The following PTPRA variants were observed in gnomAD, a reference collection of about 807,000 sequenced individuals.
PTPRA encodes the protein receptor-type tyrosine-protein phosphatase alpha.
In PTPRA, 25 loss-of-function variants were observed where a neutral mutation model predicts 104.8. That is an observed-to-expected ratio of 0.24 (90% CI 0.17 to 0.33). The LOEUF is 0.33. Among genes scored for constraint, PTPRA ranks in the 10% least tolerant of loss-of-function variants. PTPRA has a pLI of 1.00. For synonymous variants in PTPRA, 323 were observed against 368.9 expected, an observed-to-expected ratio of 0.88 and a Z score of 1.43; for missense variants, 765 against 1,015.3, an observed-to-expected ratio of 0.75 and a Z score of 3.35.
At chr20:2,914,445 C>G (rs1033736625) in intron 1 of PTPRA, among the ~76,000 whole-genome samples, 74 of 145,718 alleles carry the variant, frequency 5.1e-4, no homozygotes, top group African/African-American at 1.8e-3. Context: ...ATTTCTTGCT[C>G]TGTGTGTGTG....
chr20:2,948,948 T>A (rs867847166), intron 3 of PTPRA, among the ~76,000 whole-genome samples: 2 of 151,566 alleles, frequency 1.3e-5, no homozygotes, highest in Middle Eastern at 3.2e-3. Context: ...CGAGACTCCG[T>A]CTCAAAAAAA....
chr20:3,030,676 C>CTTT lies in PTPRA; in HGVS notation c.1920+2860_1920+2862dup, dbSNP rs1180681994. ...AAAAATTTTTAATTATCTCCCTCTG[C>CTTT]TTTTTTTTTTTTTTTTTTTTTTTTT... On this transcript the variant is annotated intron_variant, in intron 20 of 23. Transcript: ENST00000399903. 2.6e-3 allele frequency among the ~76,000 whole-genome samples: 178 copies of CTTT among 67,728 alleles called. 38 individuals carry two copies. The highest frequency in any genetic ancestry group is 0.013 in the East Asian group (26 of 1,944). 44.4% of individuals were successfully genotyped at this position (67,728 alleles called of 152,430 possible). A position where few individuals can be genotyped will look rare whatever the true frequency, so the allele number is the denominator to read the frequency against.
chr20:2,943,888 T>G (rs1202458091), intron 2 of PTPRA, among the ~76,000 whole-genome samples: 1 of 152,186 alleles, frequency 6.6e-6, no homozygotes, highest in African/African-American at 2.4e-5. Flanking sequence ...ATCTAATTTT[T>G]TTTGACGAAA....
At chr20:2,909,400 T>A (rs1377886255) in intron 1 of PTPRA, among the ~76,000 whole-genome samples, 1 of 152,040 alleles carries the variant, frequency 6.6e-6, no homozygotes, top group Admixed American at 6.6e-5. Context: ...TGGGCCAACA[T>A]GGCGAAACCA....
the PTPRA span, chr20:2,865,611 A>T: frequency 3.2e-6 from 3 of 926,640 alleles, no homozygotes; most frequent in African/African-American, 5.0e-5. The surrounding 1 kb of genome is among the most constrained non-coding windows in gnomAD (Gnocchi z 5.2). Flanking sequence ...CTGCCCGCAT[A>T]GTTAGCGAGT....
intron 1 of PTPRA, among the ~76,000 whole-genome samples, chr20:2,899,329 T>C (rs1005102218): frequency 6.6e-6 from 1 of 152,204 alleles, no homozygotes; most frequent in Admixed American, 6.5e-5. Context: ...CCAATATTAT[T>C]GAAAATGTGT....
At chr20:3,031,992 A>G (rs2065482266) in intron 20 of PTPRA, among the ~76,000 whole-genome samples, 2 of 152,172 alleles carry the variant, frequency 1.3e-5, no homozygotes, top group Admixed American at 6.5e-5. Flanking sequence ...ATGACCACAA[A>G]TCTCATAGAG....
At chr20:2,895,136 T>C (rs143091652) in intron 1 of PTPRA, among the ~76,000 whole-genome samples, 2,872 of 151,850 alleles carry the variant, frequency 0.019, 94 homozygotes, top group African/African-American at 0.064. Context: ...AGTGCAGTGG[T>C]ATAATCTTGG....
intron 1 of PTPRA, among the ~76,000 whole-genome samples, chr20:2,922,656 G>C (rs1419756544): frequency 2.0e-5 from 3 of 147,852 alleles, no homozygotes; most frequent in Non-Finnish European, 4.5e-5. Context: ...TTTTCTTTTT[G>C]AGATGGAGTC....
chr20:3,026,103 C>T (rs2065132028), intron 17 of PTPRA, among the ~76,000 whole-genome samples: 1 of 151,568 alleles, frequency 6.6e-6, no homozygotes, highest in Non-Finnish European at 1.5e-5. Flanking sequence ...GTGCCACTAC[C>T]CCCGGCTAAT....
intron 7 of PTPRA, 145 bp from the exon 8 acceptor site, chr20:2,987,887 G>C (rs1291251519): frequency 1.3e-6 from 1 of 797,820 alleles, no homozygotes; most frequent in East Asian, 2.5e-5. Flanking sequence ...TGCTGCCTCA[G>C]GGTGTGCATG....
chr20:2,909,775 A>T (rs1245690279), intron 1 of PTPRA, among the ~76,000 whole-genome samples: 2 of 138,030 alleles, frequency 1.4e-5, no homozygotes, highest in Non-Finnish European at 3.0e-5. Context: ...TATATATTAT[A>T]AGATAATATA....
At chr20:2,866,591 A>T in the PTPRA span, 51 of 1,612,838 alleles carry the variant, frequency 3.2e-5, no homozygotes, top group East Asian at 1.1e-3. Context: ...CATCCTGTAC[A>T]TCTCAAGCAA....
intron 9 of PTPRA, among the ~76,000 whole-genome samples, chr20:3,004,318 CCAATTTTA>C (rs2063764469): frequency 1.3e-5 from 2 of 152,160 alleles, no homozygotes; most frequent in Non-Finnish European, 2.9e-5. Flanking sequence ...TCACCCGGCC[CCAATTTTA>C]CAGATGAGGA....
intron 1 of PTPRA, among the ~76,000 whole-genome samples, chr20:2,922,705 T>C (rs2060141928): frequency 1.3e-5 from 2 of 151,870 alleles, no homozygotes; most frequent in Admixed American, 6.6e-5. Flanking sequence ...TGGCGCGATC[T>C]GGGCTCACTG....
intron 2 of PTPRA, among the ~76,000 whole-genome samples, chr20:2,936,725 G>A (rs576494810): frequency 6.6e-6 from 1 of 152,210 alleles, no homozygotes; most frequent in South Asian, 2.1e-4. Context: ...CACCTACCTT[G>A]GTCTCCCAAA....
At chr20:2,883,805 A>G (rs188495501) in intron 1 of PTPRA, among the ~76,000 whole-genome samples, 15 of 152,156 alleles carry the variant, frequency 9.9e-5, no homozygotes, top group Admixed American at 3.3e-4. Flanking sequence ...GGTTTTTTGT[A>G]TATGCATAGA....
chr20:2,900,533 A>G (rs936900874), intron 1 of PTPRA, among the ~76,000 whole-genome samples: 1 of 152,146 alleles, frequency 6.6e-6, no homozygotes, highest in African/African-American at 2.4e-5. Flanking sequence ...ATAGCAGTTA[A>G]TGAAATACAA....
intron 3 of PTPRA, among the ~76,000 whole-genome samples, chr20:2,954,415 G>T (rs1485206530): frequency 6.6e-6 from 1 of 151,320 alleles, no homozygotes; most frequent in Non-Finnish European, 1.5e-5. Flanking sequence ...TAGAGATGAG[G>T]TCTCACTGTG....
Sources: gnomAD v4.1 joint callset for allele counts (sites outside exome capture counted in the v4.1 genomes callset) on GRCh38, gnomAD v4.1.1 for gene constraint, Gnocchi (gnomAD v3.1) non-coding constraint, MANE v1.5 for transcripts, NCBI Gene and HGNC (gene_info 2026-07-23, HGNC 2026-07-21) for gene names.